Variants in TENM4 observed in about 807,000 individuals in gnomAD.
The protein encoded by TENM4 is teneurin transmembrane protein 4.
Under a neutral mutation model 243.3 loss-of-function variants are expected in TENM4, and 82 were observed. The observed-to-expected ratio is 0.34, with a 90% CI of 0.28 to 0.40. The LOEUF (loss-of-function observed/expected upper bound fraction) is 0.40. Among genes scored for constraint, TENM4 ranks in the 10% least tolerant of loss-of-function variants. The probability of loss-of-function intolerance (pLI) is 1.00; values close to 1 mark genes in which losing one functional copy is unlikely to be tolerated. For missense variants in TENM4, 3,138 were observed against 3,673.3 expected (o/e 0.85, Z 3.77); for synonymous variants, 1,412 against 1,456.3 (o/e 0.97, Z 0.69).
At chr11:79,359,756 C>T (rs1160228252) in intron 1 of TENM4, among the ~76,000 whole-genome samples, 24 of 152,114 alleles carry the variant, frequency 1.6e-4, no homozygotes, top group Admixed American at 1.6e-3. Flanking sequence ...TTAAAAGTTA[C>T]ATCTTGTTGA....
At chr11:79,164,492 T>C (rs891388302) in intron 3 of TENM4, among the ~76,000 whole-genome samples, 1 of 141,548 alleles carries the variant, frequency 7.1e-6, no homozygotes, top group African/African-American at 2.6e-5. Flanking sequence ...TGTATACATA[T>C]AGTGTATATA....
intron 1 of TENM4, among the ~76,000 whole-genome samples, chr11:79,384,534 C>T (rs1300697159): frequency 1.3e-5 from 2 of 152,198 alleles, no homozygotes; most frequent in Admixed American, 1.3e-4. Flanking sequence ...CACTGACTCA[C>T]CTGCTGTATG....
At chr11:78,743,664 A>C (rs537240165) in intron 19 of TENM4, among the ~76,000 whole-genome samples, 1 of 152,300 alleles carries the variant, frequency 6.6e-6, no homozygotes, top group South Asian at 2.1e-4. Context: ...GCCTCAGCCT[A>C]GCCCTGACCC....
chr11:79,409,029 G>C (rs903295598), intron 1 of TENM4, among the ~76,000 whole-genome samples: 3 of 151,508 alleles, frequency 2.0e-5, no homozygotes, highest in African/African-American at 4.9e-5. Context: ...TCCTTTGCCT[G>C]AATTATAAAG....
At chr11:78,940,474 A>G (rs563504355) in intron 6 of TENM4, among the ~76,000 whole-genome samples, 2 of 152,344 alleles carry the variant, frequency 1.3e-5, no homozygotes, top group South Asian at 2.1e-4. Context: ...GCAGAGGACG[A>G]ATTCCTCTTT....
chr11:79,160,520 C>T lies in TENM4; in HGVS notation c.-162-11714G>A, dbSNP rs893180030. Among the ~76,000 whole-genome samples, 8 of 151,968 alleles carry T rather than the reference C, an allele frequency of 5.3e-5. No individual in the cohort carries two copies. In the South Asian group the frequency reaches 6.3e-4, roughly 12 times the overall value. On this transcript the variant is annotated intron_variant, in intron 3 of 33. Coordinates refer to ENST00000278550, the MANE Select transcript of TENM4 (RefSeq NM_001098816.3). ...GGCTGAGATGGAGATGGGGGCATCT[C>T]GGAGAGCAGCAGACTTGGGGAGCCA...
At chr11:78,764,037 G>C (rs1405731871) in intron 18 of TENM4, among the ~76,000 whole-genome samples, 1 of 146,438 alleles carries the variant, frequency 6.8e-6, no homozygotes, top group Non-Finnish European at 1.5e-5. Context: ...TCCCTTTCTT[G>C]TGTCTGCGTC....
chr11:79,085,101 A>G (rs542019619), intron 4 of TENM4, among the ~76,000 whole-genome samples: 3 of 152,184 alleles, frequency 2.0e-5, no homozygotes, highest in East Asian at 1.9e-4. Flanking sequence ...GGCCGGGTGT[A>G]GTGGCTCATG....
At chr11:78,923,157 G>C in intron 6 of TENM4, among the ~76,000 whole-genome samples, 1 of 152,086 alleles carries the variant, frequency 6.6e-6, no homozygotes, top group Non-Finnish European at 1.5e-5. Context: ...ACGGGTGTGT[G>C]AACTCTTTAG....
At chr11:79,369,529 A>G (rs1590916184) in intron 1 of TENM4, among the ~76,000 whole-genome samples, 1 of 152,200 alleles carries the variant, frequency 6.6e-6, no homozygotes, top group East Asian at 1.9e-4. Context: ...AAACACTCAA[A>G]CAATTGATAG....
chr11:79,148,118 C>G (rs1862426481), intron 4 of TENM4, among the ~76,000 whole-genome samples: 1 of 152,084 alleles, frequency 6.6e-6, no homozygotes, highest in Non-Finnish European at 1.5e-5. Context: ...ATATACTGGG[C>G]AAAGATCACT....
At chr11:78,812,854 C>T (rs1326833770) in intron 13 of TENM4, among the ~76,000 whole-genome samples, 6 of 152,190 alleles carry the variant, frequency 3.9e-5, no homozygotes, top group African/African-American at 1.4e-4. Flanking sequence ...CCCAACTTGG[C>T]TCTTTAAAGT....
intron 1 of TENM4, among the ~76,000 whole-genome samples, chr11:79,387,963 C>T (rs761183646): frequency 1.6e-4 from 25 of 152,204 alleles, no homozygotes; most frequent in Non-Finnish European, 3.5e-4. Flanking sequence ...CATGATCATG[C>T]CTGGGTGACA....
intron 16 of TENM4, among the ~76,000 whole-genome samples, chr11:78,786,653 G>A (rs183061606): frequency 5.1e-4 from 77 of 152,344 alleles, no homozygotes; most frequent in African/African-American, 1.8e-3. Flanking sequence ...TAAAGAGCAA[G>A]GTGTGCTAAC....
chr11:79,376,625 T>A (rs1417017449), intron 1 of TENM4, among the ~76,000 whole-genome samples: 1 of 152,080 alleles, frequency 6.6e-6, no homozygotes, highest in Admixed American at 6.5e-5. Context: ...AACTTTTCGA[T>A]GAATGAATGA....
At chr11:78,980,046 T>C (rs1857757170) in intron 6 of TENM4, among the ~76,000 whole-genome samples, 1 of 152,158 alleles carries the variant, frequency 6.6e-6, no homozygotes, top group South Asian at 2.1e-4. Context: ...GAAGATAAAT[T>C]TAAAGAAGGT....
intron 24 of TENM4, among the ~76,000 whole-genome samples, chr11:78,720,893 G>A (rs1859633167): frequency 6.6e-6 from 1 of 151,702 alleles, no homozygotes; most frequent in East Asian, 1.9e-4. Context: ...AACAGGCCTA[G>A]GAAAAAAAGA....
chr11:78,810,446 A>G (rs1323944353), intron 14 of TENM4, among the ~76,000 whole-genome samples: 1 of 152,166 alleles, frequency 6.6e-6, no homozygotes, highest in Non-Finnish European at 1.5e-5. Flanking sequence ...GAGGCAGCTC[A>G]CAGTTTCAAG....
chr11:79,418,511 A>C (rs1858865480), intron 1 of TENM4, among the ~76,000 whole-genome samples: 1 of 152,170 alleles, frequency 6.6e-6, no homozygotes, highest in African/African-American at 2.4e-5. Context: ...TATGAATCCC[A>C]CCAATCTATT....
Sources: gnomAD v4.1 joint callset for allele counts (sites outside exome capture counted in the v4.1 genomes callset) on GRCh38, gnomAD v4.1.1 for gene constraint, MANE v1.5 for transcripts, NCBI Gene and HGNC (gene_info 2026-07-23, HGNC 2026-07-21) for gene names.